Variants in GRAMD1B observed in about 807,000 individuals in gnomAD.
The protein encoded by GRAMD1B is protein Aster-B.
A neutral mutation model predicts 99.7 loss-of-function variants in GRAMD1B; 37 were observed. That is an observed-to-expected ratio of 0.37 (90% CI 0.29 to 0.49). The LOEUF is 0.49. Among genes scored for constraint, GRAMD1B ranks in the 20% least tolerant of loss-of-function variants. The pLI, the probability that GRAMD1B is intolerant of heterozygous loss-of-function variation, is 0.98. For synonymous variants in GRAMD1B, 427 were observed against 387.6 expected (o/e 1.10, Z -1.19); for missense variants, 888 against 1,009.2 (o/e 0.88, Z 1.63).
At chr11:123,495,939 T>C (rs1939203606) in intron 2 of GRAMD1B, among the ~76,000 whole-genome samples, 1 of 152,198 alleles carries the variant, frequency 6.6e-6, no homozygotes, top group Admixed American at 6.5e-5. Flanking sequence ...GCCATAGATA[T>C]TATTTTTGAT....
intron 7 of GRAMD1B, among the ~76,000 whole-genome samples, chr11:123,597,247 C>T (rs1253458879): frequency 2.1e-5 from 3 of 140,600 alleles, no homozygotes; most frequent in Non-Finnish European, 3.0e-5. Context: ...ACAGTGCATG[C>T]CACTATGCCT....
In GRAMD1B at chr11:123,462,889, ATT is replaced by A. The variant is rs1491445059; in HGVS notation, c.375-17926_375-17925del. Among the ~76,000 whole-genome samples the A allele has an allele frequency of 1.4e-3, 135 of 98,218 alleles. 2 individuals are homozygous for A. The highest frequency in any genetic ancestry group is 0.011 in the South Asian group (37 of 3,298). The allele number at this position is 98,218 out of a possible 152,430, so 64.4% of individuals were successfully genotyped here. On this transcript the variant is annotated intron_variant, in intron 1 of 19. Transcript: ENST00000635736. ...CCAAGAATTATCAATAAAAAAATAA[ATT>A]AAAAAAAAAAAAAAAAAAAAAGAAA...
intron 1 of GRAMD1B, among the ~76,000 whole-genome samples, chr11:123,392,422 G>T (rs1424421063): frequency 6.6e-6 from 1 of 151,284 alleles, no homozygotes; most frequent in African/African-American, 2.4e-5. Context: ...TCTTATCCCT[G>T]GGCAGAGCAC....
intron 2 of GRAMD1B, among the ~76,000 whole-genome samples, chr11:123,575,211 A>T (rs1370977319): frequency 6.6e-6 from 1 of 152,156 alleles, no homozygotes; most frequent in East Asian, 1.9e-4. Context: ...TCTTGCTTGA[A>T]GCCAGTTAGC....
Position 123,518,004 on chromosome 11 carries a change from C to T in GRAMD1B, c.452+37111C>T, listed in dbSNP as rs1037291561. Reference sequence around the variant, plus strand: ...CCTGAGGATAAACCAGGAGGAGCCACGGGGGTGATTAGAAATCTGCCTTCT... The same window carrying T: ...CCTGAGGATAAACCAGGAGGAGCCATGGGGGTGATTAGAAATCTGCCTTCT... On this transcript the variant is annotated intron_variant, in intron 2 of 19. Transcript: ENST00000635736. Among the ~76,000 whole-genome samples the T allele has an allele frequency of 7.9e-5, 12 of 152,166 alleles. No individual in the cohort carries two copies. The South Asian group carries it at 8.3e-4, about 11-fold the overall frequency.
intron 1 of GRAMD1B, among the ~76,000 whole-genome samples, chr11:123,456,918 T>C (rs1159070819): frequency 1.5e-5 from 1 of 66,672 alleles, no homozygotes; most frequent in Non-Finnish European, 2.9e-5. Context: ...AGACTCTGTC[T>C]CAAAAAAAAA....
At chr11:123,568,008 T>C (rs1286532210) in intron 2 of GRAMD1B, among the ~76,000 whole-genome samples, 1 of 152,068 alleles carries the variant, frequency 6.6e-6, no homozygotes, top group African/African-American at 2.4e-5. Flanking sequence ...CTTGAGGAGA[T>C]CCCTAATGAG....
rs562626489 is a variant in GRAMD1B at position 123,610,470 on chromosome 11, G to A, written c.1919+132G>A. 48 of 845,188 alleles carry A rather than the reference G, an allele frequency of 5.7e-5. No homozygotes were observed. The highest frequency in any genetic ancestry group is 5.3e-4 in the African/African-American group (32 of 60,272). 52.4% of individuals were successfully genotyped at this position (845,188 alleles called of 1,614,324 possible). ...ACTCTCTTTATTCTACTTTCTCTCC[G>A]AAGCCTTATGAGGCTCACCCACCAC... On this transcript the variant is annotated intron_variant, in intron 14 of 19. Transcript: ENST00000635736. This position sits in a 1 kb window ranked among gnomAD's most constrained non-coding sequence, Gnocchi z 4.1.
intron 1 of GRAMD1B, among the ~76,000 whole-genome samples, chr11:123,422,831 A>G (rs184259467): frequency 1.3e-5 from 2 of 152,308 alleles, no homozygotes; most frequent in Admixed American, 1.3e-4. Flanking sequence ...TCTCTGTGAA[A>G]TTCTCTCTGG....
At chr11:123,521,818 G>A (rs1408933450) in intron 2 of GRAMD1B, among the ~76,000 whole-genome samples, 1 of 152,202 alleles carries the variant, frequency 6.6e-6, no homozygotes, top group Admixed American at 6.5e-5. Context: ...CTCACCACTT[G>A]TGGGCTTTGG....
intron 2 of GRAMD1B, among the ~76,000 whole-genome samples, chr11:123,528,912 G>C (rs190655599): frequency 6.6e-6 from 1 of 152,124 alleles, no homozygotes; most frequent in Admixed American, 6.5e-5. Context: ...ACACTCTTAC[G>C]GCTGAACTGA....
At chr11:123,525,919 T>A in intron 2 of GRAMD1B, 1 of 570,420 alleles carries the variant, frequency 1.8e-6, no homozygotes, top group Non-Finnish European at 3.1e-6. Context: ...GCAGAATCTG[T>A]CCTTTGCCTC....
chr11:123,604,319 A>T lies in GRAMD1B; in HGVS notation c.1166+778A>T, dbSNP rs73029850. ...AAGGACTGCCTGGGAGCACTCAGTG[A>T]GGGAAAGAAGCAGCTGAAGAGAGCT... On this transcript the variant is annotated intron_variant, in intron 9 of 19. Transcript: ENST00000635736. Among the ~76,000 whole-genome samples, 155 of 152,356 alleles carry T rather than the reference A, an allele frequency of 1.0e-3. 2 individuals are homozygous for T. Among genetic ancestry groups the T allele is most frequent in the Non-Finnish European group, 2.0e-3 (136 of 68,040 alleles).
upstream of GRAMD1B, among the ~76,000 whole-genome samples, chr11:123,428,866 T>C (rs1417184829): frequency 6.6e-6 from 1 of 152,152 alleles, no homozygotes; most frequent in Non-Finnish European, 1.5e-5. Context: ...CTTCATGGTA[T>C]GTTCTTGGGT....
At chr11:123,563,506 C>CTT (rs796897213) in intron 2 of GRAMD1B, among the ~76,000 whole-genome samples, 25 of 140,984 alleles carry the variant, frequency 1.8e-4, no homozygotes, top group African/African-American at 4.4e-4. Flanking sequence ...AGGGTTTTTT[C>CTT]TTTTTTTTTT....
chr11:123,422,674 A>G (rs944368974), intron 1 of GRAMD1B, among the ~76,000 whole-genome samples: 3 of 152,220 alleles, frequency 2.0e-5, no homozygotes, highest in Admixed American at 2.0e-4. Flanking sequence ...ACTTGACCTC[A>G]GCCAAAAGGC....
chr11:123,374,741 G>A (rs1359570177), intron 1 of GRAMD1B, among the ~76,000 whole-genome samples: 1 of 152,200 alleles, frequency 6.6e-6, no homozygotes, highest in Non-Finnish European at 1.5e-5. Context: ...GAGTGCTTGG[G>A]TCATGCGGTG....
chr11:123,596,553 AC>A (rs1411189140), intron 7 of GRAMD1B, among the ~76,000 whole-genome samples: 1 of 152,244 alleles, frequency 6.6e-6, no homozygotes, highest in African/African-American at 2.4e-5. Flanking sequence ...CAAACTTTTC[AC>A]TAGAGCCTGA....
intron 2 of GRAMD1B, among the ~76,000 whole-genome samples, chr11:123,549,207 A>G (rs1247391148): frequency 2.0e-5 from 3 of 152,072 alleles, no homozygotes; most frequent in South Asian, 2.1e-4. Context: ...ACAGAGCCCA[A>G]TTTTTCTGCA....
Sources: gnomAD v4.1 joint callset for allele counts (sites outside exome capture counted in the v4.1 genomes callset) on GRCh38, gnomAD v4.1.1 for gene constraint, Gnocchi (gnomAD v3.1) non-coding constraint, MANE v1.5 for transcripts, NCBI Gene and HGNC (gene_info 2026-07-23, HGNC 2026-07-21) for gene names.